TM9SF4: variants seen among roughly 807,000 people sequenced by gnomAD.
The protein encoded by TM9SF4 is transmembrane 9 superfamily member 4.
A neutral mutation model predicts 90.4 loss-of-function variants in TM9SF4; 26 were observed. The ratio of observed to expected loss-of-function variants is 0.29; its 90% confidence interval spans 0.21 to 0.40. The LOEUF (loss-of-function observed/expected upper bound fraction) is 0.40, where lower values mean the gene tolerates loss of function less well. Ranked by LOEUF, TM9SF4 falls within the 10% of genes least tolerant of loss-of-function variation. TM9SF4 has a pLI of 1.00. For missense variants in TM9SF4, 549 were observed against 834.8 expected (o/e 0.66, Z 4.22); for synonymous variants, 293 against 315.4 (o/e 0.93, Z 0.75).
intron 1 of TM9SF4, 49 bp downstream of exon 1, chr20:32,109,804 G>C: frequency 6.4e-7 from 1 of 1,551,266 alleles, no homozygotes; most frequent in South Asian, 1.2e-5. Context: ...GGCCCTCCGG[G>C]GTATCCCAGG....
chr20:32,109,795 G>T, intron 1 of TM9SF4, 40 bp downstream of exon 1: 2 of 1,551,380 alleles, frequency 1.3e-6, no homozygotes, highest in Non-Finnish European at 1.7e-6. Flanking sequence ...CTGGAGCGGG[G>T]CCCTCCGGGG....
At chr20:32,125,379 C>T (rs1389368787) in intron 1 of TM9SF4, among the ~76,000 whole-genome samples, 2 of 152,212 alleles carry the variant, frequency 1.3e-5, no homozygotes, top group African/African-American at 4.8e-5. Flanking sequence ...CAAAGTCACA[C>T]AGCTAGGAAG....
At chr20:32,153,638 G>A (rs6061189) in intron 12 of TM9SF4, among the ~76,000 whole-genome samples, 5 of 152,212 alleles carry the variant, frequency 3.3e-5, no homozygotes, top group Non-Finnish European at 7.3e-5. Flanking sequence ...CTCCTAATCA[G>A]GCAGGTGAGG....
chr20:32,150,751 C>T (rs376404557), intron 11 of TM9SF4, 48 bp downstream of exon 11: 3 of 1,614,118 alleles, frequency 1.9e-6, no homozygotes, highest in African/African-American at 1.3e-5. Flanking sequence ...GCCTCCTCCA[C>T]ACCAGCTAAT....
At chr20:32,136,792 T>G in intron 3 of TM9SF4, 1 of 463,512 alleles carries the variant, frequency 2.2e-6, no homozygotes, top group South Asian at 1.6e-5. Context: ...CCTCTGTGAC[T>G]GTGTTAGGTC....
intron 5 of TM9SF4, 90 bp downstream of exon 5, chr20:32,141,985 A>C: frequency 1.3e-6 from 2 of 1,573,328 alleles, no homozygotes; most frequent in South Asian, 2.3e-5. Context: ...GGGCTCGGCC[A>C]CAGCAAGTTT....
At chr20:32,154,277 T>C (rs2046885204) in intron 12 of TM9SF4, among the ~76,000 whole-genome samples, 1 of 151,714 alleles carries the variant, frequency 6.6e-6, no homozygotes, top group African/African-American at 2.4e-5. Context: ...GCCTCCCAAG[T>C]AGCTGGGACC....
chr20:32,140,483 G>A (rs1001540572), intron 3 of TM9SF4, among the ~76,000 whole-genome samples: 1 of 152,212 alleles, frequency 6.6e-6, no homozygotes, highest in Admixed American at 6.5e-5. Flanking sequence ...AGGTAGGGGA[G>A]CCAGAAACAT....
At chr20:32,130,637 C>G (rs974457671) in intron 1 of TM9SF4, among the ~76,000 whole-genome samples, 2 of 152,180 alleles carry the variant, frequency 1.3e-5, no homozygotes, top group Non-Finnish European at 2.9e-5. Context: ...CTTTCCATCA[C>G]TACTCAGAGA....
At chr20:32,137,147 A>G in intron 3 of TM9SF4, 1 of 430,864 alleles carries the variant, frequency 2.3e-6, no homozygotes, top group Non-Finnish European at 4.7e-6. Flanking sequence ...GCTGGCCTCT[A>G]CCAACTGTCT....
chr20:32,160,085 A>C lies in TM9SF4; in HGVS notation c.1663A>C (p.Met555Leu). 6.2e-7 allele frequency: 1 copy of C among 1,614,098 alleles called. No homozygotes were observed. The highest frequency in any genetic ancestry group is 8.5e-7 in the Non-Finnish European group (1 of 1,180,014). Residue 555 changes from methionine to leucine, a missense_variant, in exon 16 of 18, where the codon ATG becomes CTG. This residue lies in a region of TM9SF4 where 54 missense variants were observed against 123.1 expected (regional missense o/e 0.44). Coordinates refer to ENST00000398022, the MANE Select transcript of TM9SF4 (RefSeq NM_014742.4). Reference protein sequence around the residue: ...VVSCSQISIVMVYFQLCAEDY... With the variant: ...VVSCSQISIVLVYFQLCAEDY... Reference sequence around the variant, plus strand: ...ATCCTGTTCACAAATCAGCATCGTCATGGTGTACTTCCAGCTGTGTGCAGA... The same window carrying C: ...ATCCTGTTCACAAATCAGCATCGTCCTGGTGTACTTCCAGCTGTGTGCAGA...
Position 32,133,134 on chromosome 20 carries a change from T to C in TM9SF4, c.129+8T>C, listed in dbSNP as rs772428421. The C allele has an allele frequency of 1.5e-5, 25 of 1,613,460 alleles. No homozygotes were observed. Among genetic ancestry groups the C allele is most frequent in the South Asian group, 2.2e-5 (2 of 91,048 alleles). On this transcript the variant is annotated splice_region_variant and intron_variant, in intron 2 of 17. Transcript: ENST00000398022. ...GATCCCGTAGAAATCAAGGTAAGTGTGTTCCTGGATTTTTGGAGCCTCTGT... is the reference window on the plus strand; with the variant it reads ...GATCCCGTAGAAATCAAGGTAAGTGCGTTCCTGGATTTTTGGAGCCTCTGT...
chr20:32,149,179 C>T (rs934533513), intron 9 of TM9SF4, among the ~76,000 whole-genome samples: 2 of 152,070 alleles, frequency 1.3e-5, no homozygotes, highest in African/African-American at 4.8e-5. Flanking sequence ...ATTTTTATAT[C>T]GTTCTGTTTA....
intron 2 of TM9SF4, 76 bp downstream of exon 2, chr20:32,133,202 C>G: frequency 1.5e-6 from 2 of 1,363,516 alleles, no homozygotes. Flanking sequence ...CTGTTCGTGT[C>G]CATCCTGTGG....
rs1366311318 is a variant in TM9SF4, at chr20:32,141,653, A to G, written c.386A>G (p.Tyr129Cys). ...RLVAERITEDYYVHLIADNLP... is the reference protein window; with the variant it reads ...RLVAERITEDCYVHLIADNLP... ...GTGGCCGAGCGGATCACAGAAGACT[A>G]CTACGTCCACCTGTAAGTCGCCCTG... Residue 129 changes from tyrosine to cysteine, a missense_variant, in exon 4 of 18, where the codon TAC becomes TGC. Transcript: ENST00000398022. 1 of 1,614,120 alleles carries G rather than the reference A, an allele frequency of 6.2e-7. No homozygotes were observed. The highest frequency in any genetic ancestry group is 2.2e-5 in the East Asian group (1 of 44,870).
intron 17 of TM9SF4, among the ~76,000 whole-genome samples, chr20:32,163,268 A>AAAATATATATATAT (rs1555886757): frequency 1.2e-4 from 9 of 74,460 alleles, no homozygotes; most frequent in African/African-American, 4.2e-4. Context: ...AAAAAAAAAA[A>AAAATATATATATAT]ATATATATAT....
intron 1 of TM9SF4, among the ~76,000 whole-genome samples, chr20:32,124,621 C>G (rs1474011510): frequency 6.6e-6 from 1 of 151,726 alleles, no homozygotes; most frequent in Non-Finnish European, 1.5e-5. Context: ...AAGTCTCATT[C>G]CATCACCCAA....
chr20:32,165,903 T>A lies in TM9SF4; in HGVS notation c.*459T>A, dbSNP rs1043062619. On this transcript the variant is annotated 3_prime_UTR_variant, in exon 18 of 18. Coordinates refer to ENST00000398022, the MANE Select transcript of TM9SF4 (RefSeq NM_014742.4). ...GGACACGCCAGAGCTTCAGTGAGGT[T>A]TCCGAGCCTCTCCCTGCCCATCCTC... The A allele has an allele frequency of 1.2e-5, 2 of 163,006 alleles. No individual in the cohort carries two copies. Among genetic ancestry groups the A allele is most frequent in the East Asian group, 3.5e-4 (2 of 5,676 alleles). 10.1% of individuals were successfully genotyped at this position (163,006 alleles called of 1,614,324 possible).
chr20:32,140,915 G>A (rs2122401671), intron 3 of TM9SF4, among the ~76,000 whole-genome samples: 1 of 152,154 alleles, frequency 6.6e-6, no homozygotes, highest in South Asian at 2.1e-4. Flanking sequence ...GAGGCCCAGA[G>A]GCATAGAAGG....
Sources: gnomAD v4.1 joint callset for allele counts (sites outside exome capture counted in the v4.1 genomes callset) on GRCh38, gnomAD v4.1.1 for gene constraint, gnomAD v4.1.1 regional missense constraint, MANE v1.5 for transcripts, NCBI Gene and HGNC (gene_info 2026-07-23, HGNC 2026-07-21) for gene names.